Variants in ZNF451 observed in about 807,000 individuals in gnomAD.
ZNF451 encodes the protein zinc finger protein 451.
ZNF451 carries 80 observed loss-of-function variants against 107.1 expected under a neutral mutation model. The observed-to-expected ratio is 0.75, with a 90% CI of 0.62 to 0.90. The LOEUF (loss-of-function observed/expected upper bound fraction) is 0.90, where lower values mean the gene tolerates loss of function less well. Ranked by LOEUF, ZNF451 falls within the 40% of genes least tolerant of loss-of-function variation. The pLI, the probability that ZNF451 is intolerant of heterozygous loss-of-function variation, is 0.00. For synonymous variants in ZNF451, 362 were observed against 406.5 expected, an observed-to-expected ratio of 0.89 and a Z score of 1.32; for missense variants, 1,107 against 1,236.2, an observed-to-expected ratio of 0.90 and a Z score of 1.57.
intron 3 of ZNF451, chr6:57,106,611 A>ATTT (rs75440505): frequency 0.028 from 26,436 of 929,760 alleles, 125 homozygotes; most frequent in Middle Eastern, 0.048. Context: ...TGGCTGTGAA[A>ATTT]TTTTTTTTTT....
chr6:57,100,209 C>G (rs1018389337), intron 3 of ZNF451, among the ~76,000 whole-genome samples: 4 of 152,066 alleles, frequency 2.6e-5, no homozygotes, highest in Admixed American at 2.6e-4. Context: ...TCTTTGCCAT[C>G]ATTAGCTTCT....
chr6:57,102,324 G>A, intron 3 of ZNF451: 2 of 1,213,526 alleles, frequency 1.6e-6, no homozygotes, highest in Non-Finnish European at 2.0e-6. Context: ...TGAAAGGGTT[G>A]GACAAATGTT....
At chr6:57,109,434 C>T (rs1593095811) in intron 3 of ZNF451, 1 of 985,350 alleles carries the variant, frequency 1.0e-6, no homozygotes, top group Non-Finnish European at 1.2e-6. Flanking sequence ...TTTTCTGAGC[C>T]TCAGTTTTCT....
At chr6:57,107,698 C>T (rs577995363) in intron 3 of ZNF451, 1 of 985,306 alleles carries the variant, frequency 1.0e-6, no homozygotes, top group East Asian at 1.1e-4. Flanking sequence ...TTTGTGGTAC[C>T]TTGTCAAGAA....
At chr6:57,129,347 A>T (rs979731378) in intron 5 of ZNF451, among the ~76,000 whole-genome samples, 3 of 152,194 alleles carry the variant, frequency 2.0e-5, no homozygotes, top group African/African-American at 7.2e-5. Flanking sequence ...TTCCTTGAAG[A>T]GTTGCTGTGG....
At chr6:57,128,702 A>G in intron 4 of ZNF451, 27 bp from the exon 5 acceptor site, 1 of 1,513,502 alleles carries the variant, frequency 6.6e-7, no homozygotes, top group Non-Finnish European at 9.1e-7. Context: ...TAGTAATCTT[A>G]ATTGAGTTTT....
rs1764006964 is a variant in ZNF451, at chr6:57,168,616, C to A, written c.*147C>A. 1 of 671,334 alleles carries A rather than the reference C, an allele frequency of 1.5e-6. No individual in the cohort carries two copies. Among genetic ancestry groups the A allele is most frequent in the Non-Finnish European group, 2.6e-6 (1 of 390,500 alleles). The allele number at this position is 671,334 out of a possible 1,614,324, so 41.6% of individuals were successfully genotyped here. ...TGCTTTCATATGTTCAAAATCTGAT[C>A]TTTGTTTTGTATTTTTGTGCTAATG... On this transcript the variant is annotated 3_prime_UTR_variant, in exon 15 of 15. Transcript: ENST00000370706.
At chr6:57,149,101 T>C (rs575228438) in intron 10 of ZNF451, among the ~76,000 whole-genome samples, 35 of 152,318 alleles carry the variant, frequency 2.3e-4, no homozygotes, top group African/African-American at 7.2e-4. Flanking sequence ...CCATATTCTT[T>C]AGTGTGAGAC....
In ZNF451 at chr6:57,147,575, G is replaced by C; in HGVS notation, c.1490G>C (p.Gly497Ala). Residue 497 changes from glycine (G) to alanine (A), a missense_variant, in exon 10 of 15, where the codon GGT becomes GCT. This residue lies in a region of ZNF451 where 608 missense variants were observed against 649.2 expected (regional missense o/e 0.94). Transcript: ENST00000370706. ...CATGTTTTCTCAGCAAACACAATGG[G>C]TTATAAATGTGTGGTCTGTGGAAAG... ...EKHVFSANTM[G>A]YKCVVCGKVC... 2 of 1,614,106 alleles carry C rather than the reference G, an allele frequency of 1.2e-6. No homozygotes were observed. Among genetic ancestry groups the C allele is most frequent in the Non-Finnish European group, 1.7e-6 (2 of 1,179,986 alleles).
chr6:57,129,707 A>G (rs1309512956), intron 5 of ZNF451, among the ~76,000 whole-genome samples: 5 of 152,100 alleles, frequency 3.3e-5, no homozygotes, highest in Non-Finnish European at 7.4e-5. Flanking sequence ...GATACCTGAC[A>G]TAATCGATGT....
rs1263561256 is a variant in ZNF451, at chr6:57,138,735, ATATATATGTGTG to A, written c.703-2565_703-2554del. 1.0e-4 allele frequency among the ~76,000 whole-genome samples: 11 copies of A among 104,980 alleles called. No homozygotes were observed. In the East Asian group the frequency reaches 2.0e-3, roughly 19 times the overall value. 68.9% of individuals were successfully genotyped at this position (104,980 alleles called of 152,430 possible). A position where few individuals can be genotyped will look rare whatever the true frequency, so the allele number is the denominator to read the frequency against. The stretch of plus-strand genomic sequence containing the variant: ...TATATATATATATATATATATATAT[ATATATATGTGTG>A]TGTGTGTGTGTGTGTGTGTGTGTGT... On this transcript the variant is annotated intron_variant, in intron 7 of 14. Transcript: ENST00000370706.
At chr6:57,162,798 T>C (rs891774830) in intron 14 of ZNF451, among the ~76,000 whole-genome samples, 1 of 152,222 alleles carries the variant, frequency 6.6e-6, no homozygotes, top group African/African-American at 2.4e-5. Context: ...GAGATTTGTG[T>C]AACTGGATAT....
intron 3 of ZNF451, among the ~76,000 whole-genome samples, chr6:57,119,547 G>T (rs1830534972): frequency 6.6e-6 from 1 of 152,092 alleles, no homozygotes; most frequent in South Asian, 2.1e-4. Context: ...AGCCAGGGAA[G>T]ATCTATTATT....
At position 57,168,110 on chromosome 6, in the gene ZNF451, A is replaced by AT. The variant is rs964016138; in HGVS notation, c.3140-304dup. Among the ~76,000 whole-genome samples, 7 of 151,712 alleles carry AT rather than the reference A, an allele frequency of 4.6e-5. 1 individual carries two copies. Among genetic ancestry groups the AT allele is most frequent in the South Asian group, 4.2e-4 (2 of 4,814 alleles). ...GTCTTTTAGCAAATAAGTGATACAGATTTTTTTTTAAATGTTGAAACAAAT... is the reference window on the plus strand; with the variant it reads ...GTCTTTTAGCAAATAAGTGATACAGATTTTTTTTTTAAATGTTGAAACAAAT... On this transcript the variant is annotated intron_variant, in intron 14 of 14. Coordinates refer to ENST00000370706, the MANE Select transcript of ZNF451 (RefSeq NM_001031623.3).
intron 3 of ZNF451, among the ~76,000 whole-genome samples, chr6:57,121,201 G>A (rs1290216589): frequency 6.6e-6 from 1 of 152,076 alleles, no homozygotes; most frequent in Non-Finnish European, 1.5e-5. Flanking sequence ...CTTTATTTAT[G>A]TGGGTCTATT....
At chr6:57,151,756 T>C (rs1254749810) in intron 11 of ZNF451, 3 of 152,766 alleles carry the variant, frequency 2.0e-5, no homozygotes, top group Non-Finnish European at 4.4e-5. Context: ...AATCTGCTAT[T>C]GTTTGTGTTT....
At chr6:57,138,491 T>C (rs1291176198) in intron 7 of ZNF451, among the ~76,000 whole-genome samples, 4 of 151,622 alleles carry the variant, frequency 2.6e-5, no homozygotes, top group Non-Finnish European at 5.9e-5. Context: ...CTCGAGCTCC[T>C]GACCTTGTGA....
rs867335801 is a variant in ZNF451 at position 57,153,692 on chromosome 6, C to A, written c.2884-169C>A. ...CCTCCCAAAGTGTTGGGATTACAGG[C>A]GTGAGCCACTGCACCCAGCTGAAGG... On this transcript the variant is annotated intron_variant, in intron 12 of 14. Transcript: ENST00000370706. 2.6e-5 allele frequency among the ~76,000 whole-genome samples: 4 copies of A among 152,144 alleles called. No individual in the cohort carries two copies. In the South Asian group the frequency reaches 8.3e-4, roughly 32 times the overall value.
Position 57,090,203 on chromosome 6 carries a change from G to T in ZNF451, c.-51G>T. On this transcript the variant is annotated 5_prime_UTR_variant, in exon 1 of 15. Transcript: ENST00000370706. ...CGGGAAGGGGATTCGTGGCGACGGC[G>T]GCGGCAGGGACAGCAGGAGCAGTGG... is the stretch of plus-strand genomic sequence containing the variant. 1 of 1,588,646 alleles carries T rather than the reference G, an allele frequency of 6.3e-7. No individual in the cohort carries two copies. Among genetic ancestry groups the T allele is most frequent in the Non-Finnish European group, 8.6e-7 (1 of 1,168,076 alleles).
Sources: gnomAD v4.1 joint callset for allele counts (sites outside exome capture counted in the v4.1 genomes callset) on GRCh38, gnomAD v4.1.1 for gene constraint, gnomAD v4.1.1 regional missense constraint, MANE v1.5 for transcripts, NCBI Gene and HGNC (gene_info 2026-07-23, HGNC 2026-07-21) for gene names.